The following GNG2 variants were observed in gnomAD, a reference collection of about 807,000 sequenced individuals.
GNG2 encodes the protein G protein subunit gamma 2.
GNG2 carries 5 observed loss-of-function variants against 5.5 expected under a neutral mutation model. That is an observed-to-expected ratio of 0.91 (90% confidence interval 0.48 to 1.92). The LOEUF (loss-of-function observed/expected upper bound fraction) is 1.92, where lower values mean the gene tolerates loss of function less well. Ranked by LOEUF, GNG2 falls within the 30% of genes most tolerant of loss-of-function variation. The pLI, the probability that GNG2 is intolerant of heterozygous loss-of-function variation, is 0.01. For missense variants in GNG2, 55 were observed against 88.4 expected, an observed-to-expected ratio of 0.62 and a Z score of 1.52; for synonymous variants, 28 against 32.0, an observed-to-expected ratio of 0.88 and a Z score of 0.42.
At chr14:51,958,534 C>T (rs1889408926) in intron 3 of GNG2, among the ~76,000 whole-genome samples, 1 of 149,822 alleles carries the variant, frequency 6.7e-6, no homozygotes, top group African/African-American at 2.4e-5. Flanking sequence ...CCCTACACTG[C>T]AGGGTTCATT....
At chr14:51,921,138 CA>C (rs2140225255) in intron 2 of GNG2, among the ~76,000 whole-genome samples, 1 of 152,204 alleles carries the variant, frequency 6.6e-6, no homozygotes, top group South Asian at 2.1e-4. Flanking sequence ...ACTTGGGAAC[CA>C]GATTGTGAGG....
At chr14:51,947,605 G>C (rs1330496305) in intron 2 of GNG2, among the ~76,000 whole-genome samples, 1 of 152,188 alleles carries the variant, frequency 6.6e-6, no homozygotes, top group Non-Finnish European at 1.5e-5. Context: ...AGCCCTGCTT[G>C]TACCTTGACT....
At chr14:51,919,626 G>A (rs1391237314) in intron 2 of GNG2, among the ~76,000 whole-genome samples, 4 of 152,196 alleles carry the variant, frequency 2.6e-5, no homozygotes, top group African/African-American at 9.6e-5. Context: ...CAGCTAGTGG[G>A]TTCCTGGACC....
chr14:51,869,440 C>T (rs187537295), intron 1 of GNG2, among the ~76,000 whole-genome samples: 25 of 152,274 alleles, frequency 1.6e-4, no homozygotes, highest in Admixed American at 7.8e-4. Context: ...GTGGACATGG[C>T]GTCTACAATT....
At chr14:51,904,925 A>G (rs1344665484) in intron 2 of GNG2, among the ~76,000 whole-genome samples, 1 of 152,244 alleles carries the variant, frequency 6.6e-6, no homozygotes, top group Non-Finnish European at 1.5e-5. Flanking sequence ...CTGGGGACAC[A>G]CAGGACATTA....
intron 2 of GNG2, among the ~76,000 whole-genome samples, chr14:51,911,176 CA>C (rs887759965): frequency 7.9e-5 from 12 of 152,128 alleles, no homozygotes; most frequent in Admixed American, 7.9e-4. Context: ...GCATGTGCAG[CA>C]ATGCAAAACA....
intron 2 of GNG2, among the ~76,000 whole-genome samples, chr14:51,894,742 G>A (rs921353192): frequency 2.0e-5 from 3 of 151,908 alleles, no homozygotes; most frequent in African/African-American, 4.8e-5. Context: ...AGTACATAGA[G>A]GAGTCTCACT....
At chr14:51,952,802 A>T (rs886095455) in intron 3 of GNG2, among the ~76,000 whole-genome samples, 1 of 152,136 alleles carries the variant, frequency 6.6e-6, no homozygotes, top group Non-Finnish European at 1.5e-5. Flanking sequence ...ATCTCAATAC[A>T]TCTCCATCCC....
chr14:51,889,140 T>G, intron 2 of GNG2, among the ~76,000 whole-genome samples: 1 of 134,214 alleles, frequency 7.5e-6, no homozygotes, highest in Admixed American at 8.5e-5. Flanking sequence ...TGAGATGGAG[T>G]CTCGCTCTGT....
chr14:51,859,214 G>T (rs1402425192), upstream of GNG2, among the ~76,000 whole-genome samples: 1 of 152,098 alleles, frequency 6.6e-6, no homozygotes, highest in African/African-American at 2.4e-5. Context: ...GGTGTTTTTT[G>T]TTGTTGTTGT....
intron 2 of GNG2, among the ~76,000 whole-genome samples, chr14:51,925,724 G>C (rs1887271528): frequency 6.6e-6 from 1 of 151,986 alleles, no homozygotes; most frequent in Non-Finnish European, 1.5e-5. Context: ...TGACTCTCTT[G>C]CCTCAGCCTC....
At chr14:51,939,558 C>G (rs1379360287) in intron 2 of GNG2, among the ~76,000 whole-genome samples, 5 of 152,190 alleles carry the variant, frequency 3.3e-5, no homozygotes, top group Non-Finnish European at 7.3e-5. Context: ...GGCTCCCATG[C>G]TGATTTGAGG....
At chr14:51,919,660 G>C (rs1193722353) in intron 2 of GNG2, among the ~76,000 whole-genome samples, 1 of 152,202 alleles carries the variant, frequency 6.6e-6, no homozygotes, top group Non-Finnish European at 1.5e-5. Flanking sequence ...AGATTTGTAA[G>C]GCAGCTGAGC....
intron 2 of GNG2, chr14:51,917,351 G>C (rs1886708849): frequency 2.2e-6 from 1 of 455,662 alleles, no homozygotes; most frequent in Non-Finnish European, 4.4e-6. Flanking sequence ...CAAGTGTAAA[G>C]CACAAGAAAA....
chr14:51,843,135 C>T (rs909412638), intron 2 of GNG2, among the ~76,000 whole-genome samples: 6 of 152,270 alleles, frequency 3.9e-5, no homozygotes, highest in Middle Eastern at 3.4e-3. Context: ...TTAATCAATG[C>T]TCTCCTTTCC....
chr14:51,934,144 C>T (rs866680199), intron 2 of GNG2, among the ~76,000 whole-genome samples: 59 of 152,082 alleles, frequency 3.9e-4, no homozygotes, highest in African/African-American at 1.3e-3. Context: ...TGATAGGCCA[C>T]GGACTCCAGG....
At chr14:51,889,772 T>A (rs1884724070) in intron 2 of GNG2, among the ~76,000 whole-genome samples, 1 of 152,232 alleles carries the variant, frequency 6.6e-6, no homozygotes, top group Non-Finnish European at 1.5e-5. Context: ...TGTTCGCAGA[T>A]ACAAGGTAGT....
intron 2 of GNG2, among the ~76,000 whole-genome samples, chr14:51,883,933 G>T (rs761759286): frequency 3.3e-5 from 5 of 151,814 alleles, no homozygotes; most frequent in Non-Finnish European, 5.9e-5. Flanking sequence ...AATTCATGCA[G>T]AAAAAAACAA....
At chr14:51,887,710 G>C (rs904993991) in intron 2 of GNG2, among the ~76,000 whole-genome samples, 3 of 152,162 alleles carry the variant, frequency 2.0e-5, no homozygotes, top group Non-Finnish European at 4.4e-5. Context: ...GCGTAATACT[G>C]ACTGTGACCA....
Sources: allele counts gnomAD v4.1 joint callset (sites outside exome capture counted in the v4.1 genomes callset), GRCh38; gene constraint gnomAD v4.1.1; transcripts MANE v1.5; gene names NCBI Gene and HGNC (gene_info 2026-07-23, HGNC 2026-07-21).